The following GRIN2B variants were observed in gnomAD, a reference collection of about 807,000 sequenced individuals.
GRIN2B encodes the protein glutamate receptor ionotropic, NMDA 2B.
Under a neutral mutation model 114.5 loss-of-function variants are expected in GRIN2B, and 5 were observed. The observed-to-expected ratio is 0.04, with a 90% CI of 0.02 to 0.09. The LOEUF (loss-of-function observed/expected upper bound fraction) is 0.09, where lower values mean the gene tolerates loss of function less well. GRIN2B is among the 10% of genes least tolerant of loss of function. The pLI, the probability that GRIN2B is intolerant of heterozygous loss-of-function variation, is 1.00. For synonymous variants in GRIN2B, 787 were observed against 745.1 expected (o/e 1.06, Z -0.92); for missense variants, 1,108 against 1,943.5 (o/e 0.57, Z 8.08).
intron 3 of GRIN2B, among the ~76,000 whole-genome samples, chr12:13,831,354 T>A (rs1204564238): frequency 6.6e-6 from 1 of 152,152 alleles, no homozygotes; most frequent in Non-Finnish European, 1.5e-5. Context: ...CCAGTACAAG[T>A]AAATTCTAAG....
chr12:13,744,387 T>C (rs1591707989), intron 4 of GRIN2B, among the ~76,000 whole-genome samples: 2 of 152,328 alleles, frequency 1.3e-5, no homozygotes, highest in Middle Eastern at 3.4e-3. Flanking sequence ...ATAGGTGCTG[T>C]CTGGATGAGG....
intron 2 of GRIN2B, among the ~76,000 whole-genome samples, chr12:13,881,852 C>T (rs1591600870): frequency 6.6e-6 from 1 of 152,238 alleles, no homozygotes; most frequent in East Asian, 1.9e-4. Context: ...TTCTCCTCTT[C>T]CCTCAAGAAT....
chr12:13,641,222 C>A (rs1949712160), intron 5 of GRIN2B, among the ~76,000 whole-genome samples: 1 of 152,008 alleles, frequency 6.6e-6, no homozygotes, highest in Non-Finnish European at 1.5e-5. Context: ...CAGGTGCCTG[C>A]CACCACACCT....
At chr12:13,951,139 A>G (rs1171028770) in intron 2 of GRIN2B, among the ~76,000 whole-genome samples, 3 of 152,230 alleles carry the variant, frequency 2.0e-5, no homozygotes, top group Non-Finnish European at 2.9e-5. Flanking sequence ...TACTTTTAGT[A>G]TAAGTATGCA....
chr12:13,677,793 C>T (rs1245962329), intron 4 of GRIN2B, among the ~76,000 whole-genome samples: 1 of 152,078 alleles, frequency 6.6e-6, no homozygotes, highest in Non-Finnish European at 1.5e-5. Context: ...AGAGATTCTA[C>T]AGTCTTAGTC....
intron 3 of GRIN2B, among the ~76,000 whole-genome samples, chr12:13,758,557 A>T (rs1271058382): frequency 1.3e-5 from 2 of 152,226 alleles, no homozygotes; most frequent in Non-Finnish European, 2.9e-5. Context: ...AGGTTCTTAA[A>T]ATGGAATGGG....
rs568345460 is a variant in GRIN2B at position 13,559,217 on chromosome 12, G to A, written c.*3566C>T. ...CTTTAAGTTTTCTTAAGCAGACCAT[G>A]AGTAACTTAGTCCCAGTGCAAATAT... On this transcript the variant is annotated 3_prime_UTR_variant, in exon 14 of 14. Coordinates refer to ENST00000609686, the MANE Select transcript of GRIN2B (RefSeq NM_000834.5). 2 of 152,284 alleles carry A rather than the reference G, an allele frequency of 1.3e-5. No homozygotes were observed. Among genetic ancestry groups the A allele is most frequent in the South Asian group, 4.1e-4 (2 of 4,822 alleles). 9.4% of individuals were successfully genotyped at this position (152,284 alleles called of 1,614,324 possible).
rs1948488814 is a variant in GRIN2B at position 13,557,355 on chromosome 12, C to G, written c.*5428G>C. 1 of 152,160 alleles carries G rather than the reference C, an allele frequency of 6.6e-6. No homozygotes were observed. The highest frequency in any genetic ancestry group is 2.4e-5 in the African/African-American group (1 of 41,430). 9.4% of individuals were successfully genotyped at this position (152,160 alleles called of 1,614,324 possible). Reference sequence around the variant, plus strand: ...CATAAGTGGCTCTTTTACCAGATAACAGGGCACCCCCTATGGAGGTGGAAA... The same window carrying G: ...CATAAGTGGCTCTTTTACCAGATAAGAGGGCACCCCCTATGGAGGTGGAAA... On this transcript the variant is annotated 3_prime_UTR_variant, in exon 14 of 14. Coordinates refer to ENST00000609686, the MANE Select transcript of GRIN2B (RefSeq NM_000834.5).
chr12:13,787,270 A>G (rs1591730591), intron 3 of GRIN2B, among the ~76,000 whole-genome samples: 1 of 152,246 alleles, frequency 6.6e-6, no homozygotes, highest in South Asian at 2.1e-4. Flanking sequence ...CTCTTCAGCC[A>G]TTCATTGCTT....
chr12:13,953,038 C>T (rs1363250985), intron 2 of GRIN2B, among the ~76,000 whole-genome samples: 1 of 151,814 alleles, frequency 6.6e-6, no homozygotes, highest in East Asian at 2.0e-4. Flanking sequence ...TGAGAAGACC[C>T]AAGCATCTGG....
At chr12:13,756,548 G>A (rs982433833) in intron 3 of GRIN2B, among the ~76,000 whole-genome samples, 4 of 152,146 alleles carry the variant, frequency 2.6e-5, no homozygotes, top group African/African-American at 9.7e-5. Context: ...GGGGGATTCC[G>A]AAATGAGAAA....
intron 3 of GRIN2B, among the ~76,000 whole-genome samples, chr12:13,782,873 G>A (rs2136656777): frequency 6.6e-6 from 1 of 152,256 alleles, no homozygotes. Context: ...GATATGGAAA[G>A]AGTCCACCCA....
chr12:13,630,581 G>A (rs1949608008), intron 5 of GRIN2B, among the ~76,000 whole-genome samples: 2 of 152,120 alleles, frequency 1.3e-5, no homozygotes, highest in Non-Finnish European at 2.9e-5. Context: ...CCTCCTTGAG[G>A]ACAACCAAAC....
intron 2 of GRIN2B, among the ~76,000 whole-genome samples, chr12:13,915,375 G>A (rs1389129102): frequency 6.6e-6 from 1 of 152,090 alleles, no homozygotes; most frequent in Non-Finnish European, 1.5e-5. Flanking sequence ...TTGTACCCAT[G>A]GGCATCACCC....
Position 13,690,373 on chromosome 12 carries a change from T to TCACA in GRIN2B, c.1011-14518_1011-14515dup, listed in dbSNP as rs57259908. On this transcript the variant is annotated intron_variant, in intron 4 of 13. Coordinates refer to ENST00000609686, the MANE Select transcript of GRIN2B (RefSeq NM_000834.5). ...TTTTTTGCCTCTCTCTCTCTCTCTC[T>TCACA]CACACACACACACACACACACATGC... 5.7e-4 allele frequency among the ~76,000 whole-genome samples: 82 copies of TCACA among 143,342 alleles called. 1 individual carries two copies. Among genetic ancestry groups the TCACA allele is most frequent in the East Asian group, 2.8e-3 (14 of 4,986 alleles). The allele number at this position is 143,342 out of a possible 152,430, so 94.0% of individuals were successfully genotyped here.
In GRIN2B at chr12:13,969,758, G is replaced by T. The variant is rs563292189; in HGVS notation, c.-19+10170C>A. 2.0e-4 allele frequency among the ~76,000 whole-genome samples: 31 copies of T among 152,248 alleles called. No individual in the cohort carries two copies. The Middle Eastern group carries it at 0.01, about 50-fold the overall frequency. Reference sequence around the variant, plus strand: ...ATCAATAAACTAGATTGCCTGCAATGGTTACTGAAAGATCATTTATGAGTT... The same window carrying T: ...ATCAATAAACTAGATTGCCTGCAATTGTTACTGAAAGATCATTTATGAGTT... On this transcript the variant is annotated intron_variant, in intron 2 of 13. Coordinates refer to ENST00000609686, the MANE Select transcript of GRIN2B (RefSeq NM_000834.5).
chr12:13,722,322 G>A (rs1016573558), intron 4 of GRIN2B, among the ~76,000 whole-genome samples: 1 of 152,070 alleles, frequency 6.6e-6, no homozygotes, highest in Non-Finnish European at 1.5e-5. Context: ...TAATATAGTG[G>A]AGAAGGAGAA....
chr12:13,888,617 C>CCAGCTACTCGG lies in GRIN2B; in HGVS notation c.-18-22402_-18-22392dup, dbSNP rs1591604504. Among the ~76,000 whole-genome samples, 3 of 151,620 alleles carry CCAGCTACTCGG rather than the reference C, an allele frequency of 2.0e-5. No homozygotes were observed. In the East Asian group the frequency reaches 5.8e-4, roughly 29 times the overall value. ...GGTGTGGTGGTGCACTCCTGTGATC[C>CCAGCTACTCGG]CAGCTACTCGGGAGGCTGAGGCAGG... On this transcript the variant is annotated intron_variant, in intron 2 of 13. Coordinates refer to ENST00000609686, the MANE Select transcript of GRIN2B (RefSeq NM_000834.5).
intron 2 of GRIN2B, among the ~76,000 whole-genome samples, chr12:13,976,572 T>C (rs538343819): frequency 3.5e-4 from 53 of 152,244 alleles, no homozygotes; most frequent in African/African-American, 1.2e-3. Context: ...GAATGGTGAG[T>C]TCAACCCTGG....
Sources: gnomAD v4.1 joint callset for allele counts (sites outside exome capture counted in the v4.1 genomes callset) on GRCh38, gnomAD v4.1.1 for gene constraint, MANE v1.5 for transcripts, NCBI Gene and HGNC (gene_info 2026-07-23, HGNC 2026-07-21) for gene names.